ABCA9: variants seen among roughly 807,000 people sequenced by gnomAD.
ABCA9 encodes ATP-binding cassette sub-family A member 9.
ABCA9 carries 183 observed loss-of-function variants against 205.3 expected under a neutral mutation model. That is an observed-to-expected ratio of 0.89 (90% confidence interval 0.79 to 1.01). ABCA9 has a LOEUF of 1.01. Ranked by LOEUF, ABCA9 falls within the 50% of genes least tolerant of loss-of-function variation. The pLI is 0.00. For missense variants in ABCA9, 1,805 were observed against 1,912.4 expected (o/e 0.94, Z 1.05); for synonymous variants, 651 against 683.3 (o/e 0.95, Z 0.74).
intron 25 of ABCA9, among the ~76,000 whole-genome samples, chr17:69,003,860 C>CA (rs1367546422): frequency 6.6e-5 from 10 of 152,234 alleles, no homozygotes; most frequent in African/African-American, 2.2e-4. Context: ...CGCTTCATTT[C>CA]ATTCATTTCA....
chr17:68,998,173 A>G (rs1240439176), intron 25 of ABCA9, among the ~76,000 whole-genome samples: 1 of 152,230 alleles, frequency 6.6e-6, no homozygotes, highest in African/African-American at 2.4e-5. Flanking sequence ...CAGTTTGTCT[A>G]TTCACCATCT....
chr17:69,050,976 GATAAA>G (rs2071883561), intron 2 of ABCA9, 50 bp downstream of exon 2: 1 of 1,516,288 alleles, frequency 6.6e-7, no homozygotes, highest in African/African-American at 1.4e-5. Context: ...TATGTTGCCT[GATAAA>G]ATACTTTTTC....
At chr17:68,984,790 TG>T in intron 34 of ABCA9, 94 bp downstream of exon 34, 1 of 1,514,572 alleles carries the variant, frequency 6.6e-7, no homozygotes, top group Non-Finnish European at 9.1e-7. Context: ...TTCCTGATAC[TG>T]TGTCTTTTCC....
intron 25 of ABCA9, among the ~76,000 whole-genome samples, chr17:69,004,459 G>A (rs1399051522): frequency 6.6e-6 from 1 of 152,250 alleles, no homozygotes; most frequent in South Asian, 2.1e-4. Flanking sequence ...TGAGGAGGCA[G>A]TCTGCCCGTT....
intron 25 of ABCA9, among the ~76,000 whole-genome samples, chr17:69,002,000 TTCTC>T (rs1406593076): frequency 5.3e-5 from 8 of 151,918 alleles, no homozygotes; most frequent in Non-Finnish European, 1.2e-4. Context: ...TATTTGATTC[TTCTC>T]TCTTTTTTTC....
intron 22 of ABCA9, among the ~76,000 whole-genome samples, chr17:69,013,848 A>G (rs2070476959): frequency 1.3e-5 from 2 of 152,122 alleles, no homozygotes; most frequent in African/African-American, 2.4e-5. Flanking sequence ...TTTAGGATCA[A>G]GTGGAATAGG....
chr17:69,043,789 AAGGAATCACG>A (rs1402359752), intron 5 of ABCA9, 74 bp from the exon 6 acceptor site: 26 of 1,230,880 alleles, frequency 2.1e-5, no homozygotes, highest in Middle Eastern at 4.0e-4. Context: ...TCTAAATTAT[AAGGAATCACG>A]TACATTCTAC....
chr17:69,074,972 A>G, the ABCA9 span, among the ~76,000 whole-genome samples: 2 of 151,808 alleles, frequency 1.3e-5, no homozygotes, highest in African/African-American at 4.8e-5. Context: ...CTCATTGTGG[A>G]TTTGATTTGC....
chr17:68,986,346 T>A, intron 31 of ABCA9, 22 bp from the exon 32 acceptor site: 1 of 1,591,780 alleles, frequency 6.3e-7, no homozygotes. Context: ...AAGTTCATTC[T>A]TAGATTCTAT....
At chr17:68,989,753 C>T in intron 30 of ABCA9, 60 bp downstream of exon 30, 1 of 1,014,858 alleles carries the variant, frequency 9.9e-7, no homozygotes, top group Non-Finnish European at 1.5e-6. Flanking sequence ...ACTCTTATTC[C>T]CTGAATAATC....
At chr17:69,030,558 A>G (rs2071121461) in intron 10 of ABCA9, among the ~76,000 whole-genome samples, 1 of 152,224 alleles carries the variant, frequency 6.6e-6, no homozygotes, top group Non-Finnish European at 1.5e-5. Context: ...AGTTAAATAC[A>G]GAAGTAACTG....
intron 10 of ABCA9, 95 bp from the exon 11 acceptor site, chr17:69,029,322 A>G: frequency 1.4e-6 from 1 of 691,556 alleles, no homozygotes; most frequent in Non-Finnish European, 2.3e-6. Flanking sequence ...CCTCAAAGAA[A>G]ATCTGGGATT....
At chr17:69,064,427 G>A (rs1429074278), upstream of ABCA9, among the ~76,000 whole-genome samples, 1 of 152,112 alleles carries the variant, frequency 6.6e-6, no homozygotes, top group East Asian at 1.9e-4. Flanking sequence ...GCTCCTTATA[G>A]GATACACCCG....
chr17:69,048,043 G>A (rs1437179722), intron 3 of ABCA9, among the ~76,000 whole-genome samples: 1 of 152,142 alleles, frequency 6.6e-6, no homozygotes, highest in African/African-American at 2.4e-5. Context: ...TGTGGCAGGA[G>A]AGACAGGAAG....
At chr17:68,990,764 C>A in intron 29 of ABCA9, 73 bp downstream of exon 29, 3 of 1,575,604 alleles carry the variant, frequency 1.9e-6, no homozygotes, top group Non-Finnish European at 2.6e-6. Context: ...TTTTCGAAAA[C>A]TAAACTTAGA....
intron 3 of ABCA9, among the ~76,000 whole-genome samples, chr17:69,047,658 T>C (rs1307852063): frequency 6.6e-6 from 1 of 152,208 alleles, no homozygotes; most frequent in Non-Finnish European, 1.5e-5. Context: ...CTTTTGTAAC[T>C]ATTTCTGCAA....
the ABCA9 span, among the ~76,000 whole-genome samples, chr17:69,067,572 AAAAG>A: frequency 4.7e-5 from 7 of 150,050 alleles, no homozygotes; most frequent in African/African-American, 9.8e-5. Flanking sequence ...AAAAAAAAAA[AAAAG>A]AAAGAGAGAG....
At chr17:69,035,927 C>G (rs1003266443) in intron 6 of ABCA9, 126 bp from the exon 7 acceptor site, 9 of 1,124,326 alleles carry the variant, frequency 8.0e-6, no homozygotes, top group Non-Finnish European at 9.8e-6. Flanking sequence ...AATGCAATAG[C>G]TAACTTATCT....
rs1403762863 is a variant in ABCA9 at position 69,008,222 on chromosome 17, G to A, written c.3161C>T (p.Ser1054Phe). 6.2e-7 allele frequency: 1 copy of A among 1,612,416 alleles called. No individual in the cohort carries two copies. The highest frequency in any genetic ancestry group is 8.5e-7 in the Non-Finnish European group (1 of 1,179,610). ...GTAGAGGCCTGAAATCCGTAGCTGG[G>A]AATGAGCTTTTTTCTGATAAAGAAA... is the stretch of plus-strand genomic sequence containing the variant. ...SIGDYKKKAH[S>F]QLRISGLYPS... The change falls in exon 24 of 39, where the codon TCC becomes TTC. Residue 1054 changes from serine (S) to phenylalanine (F), a missense_variant. Ser to Phe is a radical substitution (Grantham distance 155, BLOSUM62 -2). Coordinates refer to ENST00000340001, the MANE Select transcript of ABCA9 (RefSeq NM_080283.4).
Sources: allele counts gnomAD v4.1 joint callset (sites outside exome capture counted in the v4.1 genomes callset), GRCh38; gene constraint gnomAD v4.1.1; transcripts MANE v1.5; gene names NCBI Gene and HGNC (gene_info 2026-07-23, HGNC 2026-07-21).